The following RBBP8 variants were observed in gnomAD, a reference collection of about 807,000 sequenced individuals.
The protein encoded by RBBP8 is RB binding protein 8, endonuclease.
RBBP8 carries 88 observed loss-of-function variants against 108.3 expected under a neutral mutation model. The ratio of observed to expected loss-of-function variants is 0.81; its 90% CI spans 0.68 to 0.97. The LOEUF is 0.97. Ranked by LOEUF, RBBP8 falls within the 50% of genes least tolerant of loss-of-function variation. The pLI, the probability that RBBP8 is intolerant of heterozygous loss-of-function variation, is 0.00. For synonymous variants in RBBP8, 332 were observed against 348.2 expected, an observed-to-expected ratio of 0.95 and a Z score of 0.52; for missense variants, 1,023 against 1,049.0, an observed-to-expected ratio of 0.98 and a Z score of 0.34.
chr18:23,001,425 C>A, intron 14 of RBBP8, 161 bp from the exon 15 acceptor site: 1 of 765,942 alleles, frequency 1.3e-6, no homozygotes, highest in South Asian at 1.7e-5. Context: ...AGTTACTAAG[C>A]TCAGTACCCA....
chr18:22,957,415 C>G (rs562647801), intron 4 of RBBP8, among the ~76,000 whole-genome samples: 4 of 148,896 alleles, frequency 2.7e-5, no homozygotes, highest in South Asian at 4.3e-4. Context: ...ACAGTGAAAC[C>G]ATATTGAATG....
At chr18:22,965,222 T>TTTAAAGAA (rs1913476793) in intron 4 of RBBP8, among the ~76,000 whole-genome samples, 1 of 152,158 alleles carries the variant, frequency 6.6e-6, no homozygotes, top group Non-Finnish European at 1.5e-5. Context: ...AATGTTTTGT[T>TTTAAAGAA]TGCTATGGTT....
At chr18:23,006,508 T>A in intron 16 of RBBP8, 76 bp downstream of exon 16, 1 of 1,302,514 alleles carries the variant, frequency 7.7e-7, no homozygotes, top group Non-Finnish European at 1.1e-6. Flanking sequence ...CTCTCTTTTT[T>A]CTTTTTTTTT....
intron 5 of RBBP8, among the ~76,000 whole-genome samples, chr18:22,970,949 A>AT (rs1341993570): frequency 6.6e-6 from 1 of 152,164 alleles, no homozygotes; most frequent in Non-Finnish European, 1.5e-5. Flanking sequence ...GTAAATTTGC[A>AT]TATTTAATCC....
chr18:22,954,781 AG>A (rs1201297850), intron 4 of RBBP8, among the ~76,000 whole-genome samples: 1 of 152,172 alleles, frequency 6.6e-6, no homozygotes, highest in Non-Finnish European at 1.5e-5. Flanking sequence ...ATCATGGCGA[AG>A]GGGGAGTAAA....
In RBBP8 at chr18:22,993,388, C is replaced by G. The variant is rs1216137848; in HGVS notation, c.1561C>G (p.Leu521Val). ...TSKNKFRQVT[L>V]YEALKTIPKG... is the part of the protein sequence containing the mutation. ...TAAAAACAAATTTAGGCAAGTGACT[C>G]TTTATGAGGCTTTGAAGACCATTCC... Residue 521 changes from leucine to valine, a missense_variant, in exon 11 of 19, where the codon CTT (leucine) becomes GTT (valine). Coordinates refer to ENST00000327155, the MANE Select transcript of RBBP8 (RefSeq NM_002894.3). 3.1e-6 allele frequency: 5 copies of G among 1,614,224 alleles called. No homozygotes were observed. The East Asian group carries it at 6.7e-5, about 22-fold the overall frequency.
chr18:22,962,707 C>G (rs112402334), intron 4 of RBBP8, among the ~76,000 whole-genome samples: 3,798 of 147,188 alleles, frequency 0.026, 172 homozygotes, highest in African/African-American at 0.089. Flanking sequence ...CTCCACCCCC[C>G]CTACCTCAAC....
chr18:22,940,469 C>T (rs1172664607), intron 2 of RBBP8, among the ~76,000 whole-genome samples: 4 of 151,418 alleles, frequency 2.6e-5, no homozygotes, highest in African/African-American at 4.9e-5. Flanking sequence ...TACAAGCACC[C>T]GCCACCACGC....
intron 14 of RBBP8, among the ~76,000 whole-genome samples, chr18:23,000,544 C>A (rs781451505): frequency 3.2e-4 from 49 of 152,042 alleles, no homozygotes; most frequent in Non-Finnish European, 5.7e-4. Flanking sequence ...GAGTTTGAGA[C>A]CAGCCTGGCC....
rs1309608609 is a variant in RBBP8 at position 22,992,856 on chromosome 18, T to C, written c.1029T>C (p.Asn343=). The change falls in exon 11 of 19, where the codon AAT becomes AAC. Residue 343 remains asparagine, a synonymous_variant. Transcript: ENST00000327155. ...GTATCAAAAGTGGTTTAGATTTGAA[T>C]ACAAGTTTGTCCCCTTCTCTTTTAC... ...TSSIKSGLDL[N]TSLSPSLLQP... The C allele has an allele frequency of 6.2e-7, 1 of 1,613,696 alleles. No homozygotes were observed. The highest frequency in any genetic ancestry group is 8.5e-7 in the Non-Finnish European group (1 of 1,179,834).
At chr18:22,998,315 T>C (rs938180807) in intron 14 of RBBP8, among the ~76,000 whole-genome samples, 2 of 152,188 alleles carry the variant, frequency 1.3e-5, no homozygotes, top group African/African-American at 4.8e-5. Flanking sequence ...ATAGTGTATA[T>C]GCTGAGTTAA....
chr18:22,935,870 T>C (rs1354075470), intron 1 of RBBP8, among the ~76,000 whole-genome samples: 2 of 152,206 alleles, frequency 1.3e-5, no homozygotes, highest in African/African-American at 4.8e-5. Context: ...CTAATTGTCT[T>C]ATGACTCTAA....
At chr18:22,932,888 T>C (rs1348818905), upstream of RBBP8, among the ~76,000 whole-genome samples, 4 of 152,246 alleles carry the variant, frequency 2.6e-5, no homozygotes, top group Non-Finnish European at 4.4e-5. Flanking sequence ...TTTTGATCTA[T>C]GGCGTTACCG....
chr18:22,993,708 A>G lies in RBBP8; in HGVS notation c.1813-13A>G. ...GTGATTTCATTTAGAGCTAACAATTATTTCTGTTTTAGAGTGCTGGTTCTC... is the reference window on the plus strand; with the variant it reads ...GTGATTTCATTTAGAGCTAACAATTGTTTCTGTTTTAGAGTGCTGGTTCTC... On this transcript the variant is annotated splice_polypyrimidine_tract_variant and intron_variant, in intron 11 of 18. Coordinates refer to ENST00000327155, the MANE Select transcript of RBBP8 (RefSeq NM_002894.3). 6.2e-7 allele frequency: 1 copy of G among 1,614,174 alleles called. No individual in the cohort carries two copies. Among genetic ancestry groups the G allele is most frequent in the Non-Finnish European group, 8.5e-7 (1 of 1,180,016 alleles).
At chr18:23,006,483 C>A in intron 16 of RBBP8, 51 bp downstream of exon 16, 1 of 1,385,994 alleles carries the variant, frequency 7.2e-7, no homozygotes, top group Non-Finnish European at 1.0e-6. Flanking sequence ...TACAATAGAG[C>A]TGTCTTTTAT....
At chr18:22,979,905 C>G (rs1041479170) in intron 6 of RBBP8, among the ~76,000 whole-genome samples, 1 of 152,140 alleles carries the variant, frequency 6.6e-6, no homozygotes, top group Non-Finnish European at 1.5e-5. Context: ...AACCAAAGAT[C>G]CCATCCTCTT....
chr18:23,006,217 G>A, intron 15 of RBBP8, 146 bp from the exon 16 acceptor site: 1 of 707,874 alleles, frequency 1.4e-6, no homozygotes, highest in East Asian at 2.8e-5. Context: ...CAAAGTTGCA[G>A]AAAATTTAAA....
chr18:23,003,949 C>T (rs981272148), intron 15 of RBBP8, among the ~76,000 whole-genome samples: 3 of 147,612 alleles, frequency 2.0e-5, no homozygotes, highest in African/African-American at 7.4e-5. Context: ...CCCAGCTACT[C>T]GGGAGGCTCA....
Position 22,971,493 on chromosome 18 carries a change from A to C in RBBP8, c.361+2575A>C, listed in dbSNP as rs539793159. On this transcript the variant is annotated intron_variant, in intron 5 of 18. Coordinates refer to ENST00000327155, the MANE Select transcript of RBBP8 (RefSeq NM_002894.3). ...ACATTTAAGTGTGCTGTGGCCTTCT[A>C]GTAGATACGTGAAATTAAGTTATGG... Among the ~76,000 whole-genome samples, 139 of 152,318 alleles carry C rather than the reference A, an allele frequency of 9.1e-4. 1 individual carries two copies. The highest frequency in any genetic ancestry group is 1.5e-3 in the Admixed American group (23 of 15,292).
Sources: allele counts gnomAD v4.1 joint callset (sites outside exome capture counted in the v4.1 genomes callset), GRCh38; gene constraint gnomAD v4.1.1; transcripts MANE v1.5; gene names NCBI Gene and HGNC (gene_info 2026-07-23, HGNC 2026-07-21).